The following TRPM6 variants were observed in gnomAD, a reference collection of about 807,000 sequenced individuals.
TRPM6 encodes the protein channel kinase 2.
TRPM6 carries 111 observed loss-of-function variants against 247.6 expected under a neutral mutation model. That is an observed-to-expected ratio of 0.45 (90% CI 0.38 to 0.52). The LOEUF is 0.52. TRPM6 is among the 20% of genes least tolerant of loss of function. The pLI is 0.00. For missense variants in TRPM6, 2,126 were observed against 2,421.5 expected, an observed-to-expected ratio of 0.88 and a Z score of 2.56; for synonymous variants, 892 against 853.8, an observed-to-expected ratio of 1.04 and a Z score of -0.78.
In TRPM6 at chr9:74,821,747, T is replaced by A; in HGVS notation, c.932A>T (p.Asp311Val). 6.2e-7 allele frequency: 1 copy of A among 1,614,132 alleles called. No homozygotes were observed. The highest frequency in any genetic ancestry group is 1.1e-5 in the South Asian group (1 of 91,082). ...LSVWETVKDKDPVVVCEGTGR... is the reference protein window; with the variant it reads ...LSVWETVKDKVPVVVCEGTGR... ...TGTGCCCTCACACACCACCACTGGG[T>A]CCTTGTCCTTGACAGTCTCCCACAC... The change falls in exon 8 of 39, where the codon GAC becomes GTC. Residue 311 changes from aspartate (D) to valine (V), a missense_variant. Physicochemically the swap from Asp to Val is radical, Grantham distance 152 (BLOSUM62 -3). Around this residue, in one of 3 missense-constraint regions of TRPM6, gnomAD observed 1,082 missense variants for 1,307.9 expected, o/e 0.83. Transcript: ENST00000360774.
intron 25 of TRPM6, among the ~76,000 whole-genome samples, chr9:74,768,532 C>T (rs1009013617): frequency 6.6e-6 from 1 of 152,226 alleles, no homozygotes; most frequent in Non-Finnish European, 1.5e-5. Flanking sequence ...TTCTCTCACA[C>T]CTCCTGTGCC....
In TRPM6 at chr9:74,810,828, T is replaced by G; in HGVS notation, c.1484A>C (p.Gln495Pro). ...PTNTLLHHLVQDVKQHTLLSG... is the reference protein window; with the variant it reads ...PTNTLLHHLVPDVKQHTLLSG... ...TAATTAGGTTACCTGTTTCACATCT[T>G]GGACGAGATGATGCAAGAGTGTATT... Residue 495 changes from glutamine (Q) to proline (P), a missense_variant, in exon 13 of 39, where the codon CAA becomes CCA. Around this residue, in one of 3 missense-constraint regions of TRPM6, gnomAD observed 1,082 missense variants for 1,307.9 expected, o/e 0.83. Transcript: ENST00000360774. The G allele has an allele frequency of 6.2e-7, 1 of 1,613,872 alleles. No individual in the cohort carries two copies. Among genetic ancestry groups the G allele is most frequent in the Non-Finnish European group, 8.5e-7 (1 of 1,179,846 alleles).
Position 74,762,546 on chromosome 9 carries a change from A to C in TRPM6, c.4125T>G (p.Thr1375=). 6.2e-7 allele frequency: 1 copy of C among 1,614,204 alleles called. No homozygotes were observed. The highest frequency in any genetic ancestry group is 8.5e-7 in the Non-Finnish European group (1 of 1,180,036). ...SRPSVPDVLA[T]EQDIQTEVLV... The stretch of plus-strand genomic sequence containing the variant: ...GAACCTCAGTCTGGATGTCCTGTTC[A>C]GTTGCCAGCACATCTGGCACAGAGG... Residue 1375 remains threonine, a synonymous_variant, in exon 26 of 39, where the codon ACT becomes ACG. Coordinates refer to ENST00000360774, the MANE Select transcript of TRPM6 (RefSeq NM_017662.5).
chr9:74,810,364 C>T (rs1828687924), intron 13 of TRPM6, among the ~76,000 whole-genome samples: 1 of 152,148 alleles, frequency 6.6e-6, no homozygotes, highest in African/African-American at 2.4e-5. Context: ...CACCTGACTG[C>T]CTAGAACAAT....
intron 5 of TRPM6, among the ~76,000 whole-genome samples, chr9:74,839,454 T>C (rs978512948): frequency 1.1e-4 from 16 of 152,114 alleles, no homozygotes; most frequent in African/African-American, 3.9e-4. Flanking sequence ...TATCTACTCA[T>C]GCCCAAAACA....
intron 12 of TRPM6, among the ~76,000 whole-genome samples, chr9:74,812,043 A>G (rs1828747210): frequency 6.6e-6 from 1 of 152,184 alleles, no homozygotes; most frequent in South Asian, 2.1e-4. Flanking sequence ...ATTTGTAGCC[A>G]TTTTGGTGCC....
intron 17 of TRPM6, among the ~76,000 whole-genome samples, chr9:74,799,121 C>T (rs1307653472): frequency 6.6e-6 from 1 of 152,046 alleles, no homozygotes; most frequent in Non-Finnish European, 1.5e-5. Context: ...ATTATTGTTT[C>T]TGATATTTTC....
chr9:74,723,808 ATAT>A lies in TRPM6; in HGVS notation c.*802_*804del, dbSNP rs1358837759. 2 of 2,950 alleles carry A rather than the reference ATAT, an allele frequency of 6.8e-4. No individual in the cohort carries two copies. The highest frequency in any genetic ancestry group is 2.7e-3 in the East Asian group (1 of 370). 0.2% of individuals were successfully genotyped at this position (2,950 alleles called of 1,614,324 possible). On this transcript the variant is annotated 3_prime_UTR_variant, in exon 39 of 39. Transcript: ENST00000360774. ...GTGAAACTCCATCTCAAAAATAAAAATATATATATATATATATAAAATATATAT... is the reference window on the plus strand; with the variant it reads ...GTGAAACTCCATCTCAAAAATAAAAAATATATATATATATAAAATATATAT...
chr9:74,823,256 G>A (rs890804587), intron 7 of TRPM6, among the ~76,000 whole-genome samples: 2 of 152,192 alleles, frequency 1.3e-5, no homozygotes, highest in Admixed American at 6.5e-5. Context: ...GTCAAGGGAA[G>A]CCTGTGCTCC....
chr9:74,867,762 C>T (rs1452612001), intron 1 of TRPM6, among the ~76,000 whole-genome samples: 67 of 152,072 alleles, frequency 4.4e-4, no homozygotes, highest in Admixed American at 4.3e-3. Context: ...TCAGTTTATC[C>T]ACCTCTTTTA....
chr9:74,797,588 A>T (rs930803754), intron 17 of TRPM6, among the ~76,000 whole-genome samples: 10 of 152,078 alleles, frequency 6.6e-5, no homozygotes, highest in Non-Finnish European at 1.3e-4. Flanking sequence ...TCTGAAGTTG[A>T]TTAAATCTGC....
chr9:74,750,395 G>C (rs987930607), intron 30 of TRPM6, among the ~76,000 whole-genome samples: 1 of 152,142 alleles, frequency 6.6e-6, no homozygotes, highest in African/African-American at 2.4e-5. Context: ...TTCTATGTGT[G>C]TTTTGACACT....
At chr9:74,768,283 A>T (rs931156168) in intron 25 of TRPM6, among the ~76,000 whole-genome samples, 26 of 152,256 alleles carry the variant, frequency 1.7e-4, no homozygotes, top group African/African-American at 5.5e-4. Flanking sequence ...TTTAACTCTC[A>T]GCTCACTAGG....
rs147524907 is a variant in TRPM6 at position 74,806,274 on chromosome 9, T to G, written c.1638+1760A>C. Reference sequence around the variant, plus strand: ...AAAAAACCATAGGCTTTTTAAAAATTTATTGTATTTATTTATTTATTTATT... The same window carrying G: ...AAAAAACCATAGGCTTTTTAAAAATGTATTGTATTTATTTATTTATTTATT... On this transcript the variant is annotated intron_variant, in intron 14 of 38. Transcript: ENST00000360774. 1.6e-3 allele frequency among the ~76,000 whole-genome samples: 244 copies of G among 150,866 alleles called. 2 individuals are homozygous for G. The highest frequency in any genetic ancestry group is 3.0e-3 in the Non-Finnish European group (204 of 67,936).
intron 1 of TRPM6, among the ~76,000 whole-genome samples, chr9:74,885,272 G>C (rs1211636328): frequency 6.6e-6 from 1 of 152,206 alleles, no homozygotes; most frequent in Non-Finnish European, 1.5e-5. Flanking sequence ...GAATAGGTAG[G>C]ATGCATGTAA....
At chr9:74,853,317 G>A (rs1830418860) in intron 3 of TRPM6, among the ~76,000 whole-genome samples, 1 of 152,128 alleles carries the variant, frequency 6.6e-6, no homozygotes, top group Non-Finnish European at 1.5e-5. Context: ...CCGGGAGGTT[G>A]GGGGGCGCCT....
intron 3 of TRPM6, among the ~76,000 whole-genome samples, chr9:74,853,370 C>G (rs1830421284): frequency 6.6e-6 from 1 of 152,166 alleles, no homozygotes; most frequent in African/African-American, 2.4e-5. Flanking sequence ...CCCAACAGCT[C>G]ATTGAGGGCG....
intron 19 of TRPM6, among the ~76,000 whole-genome samples, chr9:74,788,975 G>A (rs1420484449): frequency 1.3e-5 from 2 of 152,160 alleles, no homozygotes; most frequent in African/African-American, 4.8e-5. Flanking sequence ...CAGATGCATG[G>A]AAGGACACAT....
At chr9:74,727,191 G>A (rs1825359042) in intron 38 of TRPM6, among the ~76,000 whole-genome samples, 1 of 151,876 alleles carries the variant, frequency 6.6e-6, no homozygotes, top group South Asian at 2.1e-4. Flanking sequence ...GACCATCCTG[G>A]CCAACATGGT....
Sources: gnomAD v4.1 joint callset for allele counts (sites outside exome capture counted in the v4.1 genomes callset) on GRCh38, gnomAD v4.1.1 for gene constraint, gnomAD v4.1.1 regional missense constraint, MANE v1.5 for transcripts, NCBI Gene and HGNC (gene_info 2026-07-23, HGNC 2026-07-21) for gene names.